The following BRINP1 variants were observed in gnomAD, a reference collection of about 807,000 sequenced individuals.
BRINP1 encodes the protein BMP/retinoic acid-inducible neural-specific protein 1.
In BRINP1, 17 loss-of-function variants were observed where a neutral mutation model predicts 72.9. The observed-to-expected ratio is 0.23, with a 90% CI of 0.16 to 0.35. The LOEUF is 0.35. Ranked by LOEUF, BRINP1 falls within the 10% of genes least tolerant of loss-of-function variation. The probability of loss-of-function intolerance (pLI) is 1.00; values close to 1 mark genes in which losing one functional copy is unlikely to be tolerated. For synonymous variants in BRINP1, 418 were observed against 378.5 expected, an observed-to-expected ratio of 1.10 and a Z score of -1.21; for missense variants, 850 against 1,001.6, an observed-to-expected ratio of 0.85 and a Z score of 2.04.
At chr9:119,314,425 G>A (rs749489) in intron 1 of BRINP1, among the ~76,000 whole-genome samples, 58,827 of 152,008 alleles carry the variant, frequency 0.39, 11,903 homozygotes, top group Non-Finnish European at 0.44. Flanking sequence ...GAGGGCAATG[G>A]CACAATCTCA....
chr9:119,352,913 C>T (rs1831520315), intron 1 of BRINP1, among the ~76,000 whole-genome samples: 1 of 152,078 alleles, frequency 6.6e-6, no homozygotes, highest in South Asian at 2.1e-4. Context: ...GTTTCCAGAC[C>T]CTTTTCTTTG....
chr9:119,265,722 TACC>T (rs1830541585), intron 2 of BRINP1, among the ~76,000 whole-genome samples: 7 of 152,204 alleles, frequency 4.6e-5, no homozygotes, highest in Admixed American at 1.3e-4. Context: ...TTTCAATCAG[TACC>T]TTTTTTTAAA....
intron 7 of BRINP1, among the ~76,000 whole-genome samples, chr9:119,206,638 C>T (rs1414144879): frequency 6.6e-6 from 1 of 152,064 alleles, no homozygotes; most frequent in Non-Finnish European, 1.5e-5. Flanking sequence ...CAACTGAGTC[C>T]ATGGTACTTA....
At chr9:119,283,296 GC>G in intron 2 of BRINP1, 1 of 540,780 alleles carries the variant, frequency 1.8e-6, no homozygotes, top group Non-Finnish European at 2.4e-6. Context: ...CTCCAGCCCT[GC>G]CCCAGACAGA....
At chr9:119,204,590 T>C (rs933197247) in intron 7 of BRINP1, among the ~76,000 whole-genome samples, 2 of 152,210 alleles carry the variant, frequency 1.3e-5, no homozygotes, top group Non-Finnish European at 2.9e-5. Flanking sequence ...TAATCTCATA[T>C]AAGATGCTAA....
intron 1 of BRINP1, among the ~76,000 whole-genome samples, chr9:119,363,205 T>G (rs1831653562): frequency 6.6e-6 from 1 of 152,132 alleles, no homozygotes; most frequent in Non-Finnish European, 1.5e-5. Context: ...CAGGTTCAAG[T>G]GATTCTCCAA....
At chr9:119,184,729 G>A (rs1829597874) in intron 7 of BRINP1, among the ~76,000 whole-genome samples, 1 of 152,114 alleles carries the variant, frequency 6.6e-6, no homozygotes, top group Non-Finnish European at 1.5e-5. Context: ...TGACAGATGA[G>A]AAACAGAGTC....
chr9:119,186,812 G>A (rs953442164), intron 7 of BRINP1, among the ~76,000 whole-genome samples: 4 of 152,206 alleles, frequency 2.6e-5, no homozygotes, highest in Middle Eastern at 3.4e-3. Context: ...CCACAGCCAC[G>A]CCCTGCCATT....
intron 1 of BRINP1, among the ~76,000 whole-genome samples, chr9:119,319,537 A>G (rs1831163167): frequency 6.6e-6 from 1 of 152,188 alleles, no homozygotes; most frequent in African/African-American, 2.4e-5. Context: ...CATTATGTAA[A>G]TAAGACCATA....
chr9:119,288,809 T>TA (rs1830793679), intron 2 of BRINP1, among the ~76,000 whole-genome samples: 2 of 152,046 alleles, frequency 1.3e-5, no homozygotes, highest in South Asian at 4.1e-4. Flanking sequence ...TTTTTTTTTT[T>TA]AGATGGAGTT....
At chr9:119,169,821 C>A (rs1481502330) in intron 7 of BRINP1, among the ~76,000 whole-genome samples, 1 of 151,816 alleles carries the variant, frequency 6.6e-6, no homozygotes, top group Non-Finnish European at 1.5e-5. Context: ...GGGTCCCTGA[C>A]CCCTGACCCC....
At chr9:119,221,665 C>A (rs1183640284) in intron 5 of BRINP1, among the ~76,000 whole-genome samples, 1 of 152,070 alleles carries the variant, frequency 6.6e-6, no homozygotes, top group East Asian at 1.9e-4. Flanking sequence ...TCGGAAATGT[C>A]CCCTCCTGGT....
intron 2 of BRINP1, among the ~76,000 whole-genome samples, chr9:119,269,774 T>C (rs1333020288): frequency 1.3e-5 from 2 of 152,188 alleles, no homozygotes; most frequent in East Asian, 1.9e-4. Context: ...ATTCATTCAA[T>C]ATTTCATTCA....
intron 2 of BRINP1, among the ~76,000 whole-genome samples, chr9:119,294,186 A>G (rs1332684783): frequency 1.3e-5 from 2 of 152,188 alleles, no homozygotes; most frequent in African/African-American, 4.8e-5. Flanking sequence ...AAAGTATAAA[A>G]CACTTAGGGA....
chr9:119,206,417 C>G (rs1201924506), intron 7 of BRINP1, among the ~76,000 whole-genome samples: 1 of 66,148 alleles, frequency 1.5e-5, no homozygotes, highest in East Asian at 3.2e-4. Context: ...GAGACTCCAT[C>G]TCAAAAAAAA....
chr9:119,352,592 A>C (rs1587970336), intron 1 of BRINP1, among the ~76,000 whole-genome samples: 2 of 151,684 alleles, frequency 1.3e-5, no homozygotes, highest in Non-Finnish European at 2.9e-5. Flanking sequence ...ATTTTTAGTA[A>C]AGATGGGGTT....
chr9:119,318,547 C>T (rs934184498), intron 1 of BRINP1, among the ~76,000 whole-genome samples: 2 of 152,056 alleles, frequency 1.3e-5, no homozygotes, highest in East Asian at 1.9e-4. Flanking sequence ...AAAACAAATC[C>T]GTACATGTTG....
At chr9:119,272,432 G>T (rs1410793970) in intron 2 of BRINP1, among the ~76,000 whole-genome samples, 1 of 152,032 alleles carries the variant, frequency 6.6e-6, no homozygotes, top group East Asian at 1.9e-4. Context: ...GGTTGAGGTG[G>T]GTGACCTGCA....
intron 4 of BRINP1, among the ~76,000 whole-genome samples, chr9:119,240,484 G>A (rs1830235671): frequency 1.3e-5 from 2 of 152,068 alleles, no homozygotes; most frequent in African/African-American, 2.4e-5. Flanking sequence ...TAGGATACAC[G>A]AAGGAGGATT....
Sources: allele counts gnomAD v4.1 joint callset (sites outside exome capture counted in the v4.1 genomes callset), GRCh38; gene constraint gnomAD v4.1.1; transcripts MANE v1.5; gene names NCBI Gene and HGNC (gene_info 2026-07-23, HGNC 2026-07-21).